The following CNTLN variants were observed in gnomAD, a reference collection of about 807,000 sequenced individuals.
CNTLN encodes the protein centlein, also known as centlein, centrosomal protein.
CNTLN carries 212 observed loss-of-function variants against 180.0 expected under a neutral mutation model. The observed-to-expected ratio is 1.18, with a 90% CI of 1.05 to 1.32. CNTLN has a LOEUF of 1.32. Among genes scored for constraint, CNTLN ranks in the 40% most tolerant of loss-of-function variants. The pLI, the probability that CNTLN is intolerant of heterozygous loss-of-function variation, is 0.00. For synonymous variants in CNTLN, 722 were observed against 563.1 expected, an observed-to-expected ratio of 1.28 and a Z score of -3.99; for missense variants, 2,095 against 1,610.9, an observed-to-expected ratio of 1.30 and a Z score of -5.14.
At chr9:17,210,171 G>T (rs572697398) in intron 2 of CNTLN, among the ~76,000 whole-genome samples, 1 of 151,980 alleles carries the variant, frequency 6.6e-6, no homozygotes, top group Admixed American at 6.6e-5. Flanking sequence ...CCATTAACTC[G>T]TCATTTACAT....
intron 25 of CNTLN, among the ~76,000 whole-genome samples, chr9:17,495,703 A>G (rs1256686708): frequency 2.6e-5 from 4 of 152,194 alleles, no homozygotes; most frequent in African/African-American, 9.7e-5. Flanking sequence ...AGTAGTGTAC[A>G]GTAATGTCCT....
At chr9:17,418,923 T>C (rs866814095) in intron 18 of CNTLN, among the ~76,000 whole-genome samples, 23 of 152,112 alleles carry the variant, frequency 1.5e-4, no homozygotes, top group South Asian at 4.1e-4. Context: ...CAAAGTATTC[T>C]TTGGTATTTT....
chr9:17,480,287 A>T (rs1319810388), intron 23 of CNTLN, among the ~76,000 whole-genome samples: 1 of 152,188 alleles, frequency 6.6e-6, no homozygotes, highest in Non-Finnish European at 1.5e-5. Flanking sequence ...CCAGCACACA[A>T]CTAAATATAC....
rs145532588 is a variant in CNTLN at position 17,294,732 on chromosome 9, C to T, written c.984-3458C>T. Among the ~76,000 whole-genome samples, 343 of 132,144 alleles carry T rather than the reference C, an allele frequency of 2.6e-3. 4 individuals carry two copies. The highest frequency in any genetic ancestry group is 8.3e-3 in the African/African-American group (288 of 34,820). The allele number at this position is 132,144 out of a possible 152,430, so 86.7% of individuals were successfully genotyped here. ...GGCTGCCGTGGAGCAGGGGGCAGAGCTCGTCGGGGAGGCTGTGGCTGCGCA... is the reference window on the plus strand; with the variant it reads ...GGCTGCCGTGGAGCAGGGGGCAGAGTTCGTCGGGGAGGCTGTGGCTGCGCA... On this transcript the variant is annotated intron_variant, in intron 6 of 25. Coordinates refer to ENST00000380647, the MANE Select transcript of CNTLN (RefSeq NM_017738.4).
intron 5 of CNTLN, among the ~76,000 whole-genome samples, chr9:17,250,722 T>C (rs1002292316): frequency 2.0e-5 from 3 of 152,100 alleles, no homozygotes; most frequent in African/African-American, 7.2e-5. Context: ...TATGTAGTTT[T>C]TATGTAGTTT....
downstream of CNTLN, chr9:17,504,032 A>G (rs1371851311): frequency 6.6e-6 from 1 of 152,464 alleles, no homozygotes; most frequent in Admixed American, 6.5e-5. Flanking sequence ...TTGGAATGCT[A>G]CAGATAACAA....
At chr9:17,257,113 C>G (rs925431304) in intron 5 of CNTLN, among the ~76,000 whole-genome samples, 3 of 152,064 alleles carry the variant, frequency 2.0e-5, no homozygotes, top group East Asian at 1.9e-4. Context: ...TCTCCTAATG[C>G]TATCCCTCCC....
chr9:17,209,760 C>G (rs544317291), intron 2 of CNTLN, among the ~76,000 whole-genome samples: 3 of 152,288 alleles, frequency 2.0e-5, no homozygotes, highest in East Asian at 3.9e-4. Context: ...TGAGCCACAA[C>G]TATAATTCAC....
intron 2 of CNTLN, among the ~76,000 whole-genome samples, chr9:17,147,216 GAGTT>G (rs1423031309): frequency 3.9e-5 from 6 of 152,216 alleles, no homozygotes; most frequent in Non-Finnish European, 8.8e-5. Context: ...TAGTGAATGA[GAGTT>G]AGGTCCTTTA....
chr9:17,237,463 G>T (rs1251680194), intron 5 of CNTLN, among the ~76,000 whole-genome samples: 3 of 143,534 alleles, frequency 2.1e-5, no homozygotes, highest in African/African-American at 8.1e-5. Flanking sequence ...CTGTATCAGT[G>T]GATCAAGCTA....
chr9:17,254,265 A>C (rs1278116789), intron 5 of CNTLN, among the ~76,000 whole-genome samples: 3 of 151,598 alleles, frequency 2.0e-5, no homozygotes, highest in African/African-American at 4.8e-5. Flanking sequence ...TGATGAACAA[A>C]AGTTTTCAAT....
intron 12 of CNTLN, among the ~76,000 whole-genome samples, chr9:17,343,818 CTT>C (rs2133228243): frequency 6.6e-6 from 1 of 152,234 alleles, no homozygotes; most frequent in Admixed American, 6.5e-5. Context: ...GCCCATATGA[CTT>C]TGTTGTCACT....
chr9:17,326,132 A>G (rs1477700368), intron 8 of CNTLN, among the ~76,000 whole-genome samples: 1 of 152,136 alleles, frequency 6.6e-6, no homozygotes, highest in African/African-American at 2.4e-5. Context: ...TGTGAAAAAT[A>G]AAGTTATGTG....
chr9:17,153,580 C>G (rs1819050526), intron 2 of CNTLN, among the ~76,000 whole-genome samples: 1 of 152,036 alleles, frequency 6.6e-6, no homozygotes, highest in Non-Finnish European at 1.5e-5. Context: ...TCTTACTGCC[C>G]TTAACATTTT....
At chr9:17,510,013 A>G in the CNTLN span, among the ~76,000 whole-genome samples, 1 of 152,328 alleles carries the variant, frequency 6.6e-6, no homozygotes, top group Non-Finnish European at 1.5e-5. Context: ...CTACTACTCT[A>G]CAATGGAGGT....
In CNTLN at chr9:17,415,889, T is replaced by C. The variant is rs539040562; in HGVS notation, c.2890+8T>C. 22 of 1,597,208 alleles carry C rather than the reference T, an allele frequency of 1.4e-5. No individual in the cohort carries two copies. Among genetic ancestry groups the C allele is most frequent in the South Asian group, 1.2e-4 (11 of 89,008 alleles). On this transcript the variant is annotated splice_region_variant and intron_variant, in intron 17 of 25. Transcript: ENST00000380647. ...CAGCAGTTCCTACTAGAGGTAAGAA[T>C]GTATATGCAATTAACAATATGTCTT...
chr9:17,482,554 T>G (rs535747106), intron 23 of CNTLN, among the ~76,000 whole-genome samples: 7 of 152,264 alleles, frequency 4.6e-5, no homozygotes, highest in Non-Finnish European at 1.0e-4. Flanking sequence ...GAAATAAAAT[T>G]ACCACAGTAA....
chr9:17,213,314 T>A (rs894976266), intron 2 of CNTLN, among the ~76,000 whole-genome samples: 1 of 152,150 alleles, frequency 6.6e-6, no homozygotes, highest in Non-Finnish European at 1.5e-5. Context: ...TCATTATGTA[T>A]CCAGTAGTCA....
chr9:17,448,953 T>C (rs1830613923), intron 18 of CNTLN, among the ~76,000 whole-genome samples: 1 of 152,192 alleles, frequency 6.6e-6, no homozygotes, highest in South Asian at 2.1e-4. Context: ...GCACAGTTTC[T>C]CCTTTAGGAC....
Sources: gnomAD v4.1 joint callset for allele counts (sites outside exome capture counted in the v4.1 genomes callset) on GRCh38, gnomAD v4.1.1 for gene constraint, MANE v1.5 for transcripts, NCBI Gene and HGNC (gene_info 2026-07-23, HGNC 2026-07-21) for gene names.